The following CIMIP2A variants were observed in gnomAD, a reference collection of about 807,000 sequenced individuals.
CIMIP2A encodes the protein ciliary microtubule inner protein 2A.
At chr9:137,253,522 C>T in the CIMIP2A span, 37 of 1,416,786 alleles carry the variant, frequency 2.6e-5, no homozygotes, top group South Asian at 3.4e-4. Context: ...CACCCGGGGG[C>T]GGTCCTAGAG....
At chr9:137,251,058 A>G in the CIMIP2A span, 1 of 538,684 alleles carries the variant, frequency 1.9e-6, no homozygotes. Flanking sequence ...GGTTGCGGGG[A>G]GGGAGAGGGC....
the CIMIP2A span, chr9:137,252,525 G>T: frequency 6.3e-7 from 1 of 1,597,074 alleles, no homozygotes; most frequent in Admixed American, 1.7e-5. Context: ...AAGAGCAAAA[G>T]GTTGGGGGCT....
the CIMIP2A span, chr9:137,247,652 G>C: frequency 1.2e-6 from 2 of 1,612,256 alleles, no homozygotes; most frequent in Admixed American, 1.7e-5. Flanking sequence ...AGAGCTCCCG[G>C]CTCTCACCCA....
the CIMIP2A span, among the ~76,000 whole-genome samples, chr9:137,254,904 T>C: frequency 2.0e-5 from 3 of 152,030 alleles, no homozygotes; most frequent in Admixed American, 6.5e-5. Context: ...CGGGGTGGGC[T>C]TCGTGCCCGT....
chr9:137,243,771 C>T, the CIMIP2A span: 32 of 1,613,902 alleles, frequency 2.0e-5, no homozygotes, highest in Middle Eastern at 1.6e-4. Context: ...AATGTCAGGG[C>T]GTAGTTGTCC....
At chr9:137,244,623 C>T in the CIMIP2A span, 2 of 1,613,070 alleles carry the variant, frequency 1.2e-6, no homozygotes, top group Admixed American at 1.7e-5. Flanking sequence ...GGAGCAGGCC[C>T]TGGATGGCGC....
At chr9:137,247,647 T>G in the CIMIP2A span, 38 of 1,611,986 alleles carry the variant, frequency 2.4e-5, no homozygotes, top group Non-Finnish European at 3.2e-5. Flanking sequence ...CCTCCAGAGC[T>G]CCCGGCTCTC....
the CIMIP2A span, chr9:137,244,350 G>A: frequency 6.8e-6 from 11 of 1,607,662 alleles, no homozygotes; most frequent in Non-Finnish European, 9.4e-6. Flanking sequence ...TAGTCAAGTT[G>A]TCCCAGTGGG....
chr9:137,245,888 C>G, the CIMIP2A span: 1 of 1,460,442 alleles, frequency 6.8e-7, no homozygotes, highest in African/African-American at 1.4e-5. Context: ...GGGCAGGTCT[C>G]AAGGGCAGCC....
the CIMIP2A span, chr9:137,252,199 T>C: frequency 0.75 from 1,164,753 of 1,555,840 alleles, 438,022 homozygotes; most frequent in Admixed American, 0.82. Flanking sequence ...ATGGGGGCCT[T>C]TGCCTCTGTG....
chr9:137,244,234 A>G, the CIMIP2A span: 7 of 1,613,768 alleles, frequency 4.3e-6, no homozygotes, highest in East Asian at 4.5e-5. Context: ...TTGCTGGGCC[A>G]GTGTGTTCCA....
chr9:137,244,686 G>T, the CIMIP2A span: 1 of 1,613,760 alleles, frequency 6.2e-7, no homozygotes, highest in Non-Finnish European at 8.5e-7. Flanking sequence ...ACGCCGTCTC[G>T]GTAATTCAAC....
At chr9:137,245,193 TACTCATCCCTCTGGCA>T in the CIMIP2A span, 3 of 695,668 alleles carry the variant, frequency 4.3e-6, no homozygotes, top group Non-Finnish European at 5.2e-6. Context: ...GGGGGGTGGG[TACTCATCCCTCTGGCA>T]GTGGTACAGC....
At chr9:137,249,613 G>A in the CIMIP2A span, among the ~76,000 whole-genome samples, 2 of 152,152 alleles carry the variant, frequency 1.3e-5, no homozygotes, top group African/African-American at 2.4e-5. Context: ...ACCCTTCCAG[G>A]AGAGGTCCCA....
At chr9:137,253,479 C>T in the CIMIP2A span, 3 of 1,432,758 alleles carry the variant, frequency 2.1e-6, no homozygotes, top group East Asian at 2.5e-5. Context: ...TGTTGGTTTT[C>T]CCGAGCTCTG....
At chr9:137,244,098 G>A in the CIMIP2A span, 26 of 1,422,784 alleles carry the variant, frequency 1.8e-5, no homozygotes, top group Non-Finnish European at 2.5e-5. Context: ...CAGCAATGAA[G>A]GGTGAGCAGG....
the CIMIP2A span, chr9:137,244,678 G>A: frequency 3.1e-6 from 5 of 1,613,848 alleles, no homozygotes; most frequent in East Asian, 2.2e-5. Flanking sequence ...CTTGCATGAC[G>A]CCGTCTCGGT....
chr9:137,244,715 C>T, the CIMIP2A span: 41 of 1,613,470 alleles, frequency 2.5e-5, no homozygotes, highest in African/African-American at 9.3e-5. Context: ...CCAGGTGAAA[C>T]GGGGAATGAA....
the CIMIP2A span, chr9:137,251,617 G>A: frequency 1.6e-6 from 2 of 1,252,478 alleles, no homozygotes; most frequent in South Asian, 1.4e-5. Flanking sequence ...TGTGGGGACA[G>A]GCTGTGGGGC....
Sources: gnomAD v4.1 joint callset for allele counts (sites outside exome capture counted in the v4.1 genomes callset) on GRCh38, gnomAD v4.1.1 for gene constraint, MANE v1.5 for transcripts, NCBI Gene and HGNC (gene_info 2026-07-23, HGNC 2026-07-21) for gene names.